The following ATG10 variants were observed in gnomAD, a reference collection of about 807,000 sequenced individuals.
ATG10 encodes the protein autophagy related 10.
Under a neutral mutation model 32.1 loss-of-function variants are expected in ATG10, and 30 were observed. The observed-to-expected ratio is 0.94, with a 90% CI of 0.70 to 1.27. The LOEUF (loss-of-function observed/expected upper bound fraction) is 1.27. Ranked by LOEUF, ATG10 falls within the 50% of genes most tolerant of loss-of-function variation. The pLI is 0.00. For synonymous variants in ATG10, 87 were observed against 91.5 expected (o/e 0.95, Z 0.28); for missense variants, 233 against 262.3 (o/e 0.89, Z 0.77).
At chr5:82,041,786 T>C (rs1763091219) in intron 2 of ATG10, among the ~76,000 whole-genome samples, 1 of 152,104 alleles carries the variant, frequency 6.6e-6, no homozygotes, top group Non-Finnish European at 1.5e-5. Context: ...CTCACTATGC[T>C]CTATTGATTT....
intron 2 of ATG10, among the ~76,000 whole-genome samples, chr5:82,029,640 T>G (rs1237300183): frequency 1.3e-5 from 2 of 152,208 alleles, no homozygotes; most frequent in Non-Finnish European, 2.9e-5. Context: ...GGGTAGATGT[T>G]GCAGCATGAC....
At chr5:82,149,010 C>G (rs1467956565) in intron 3 of ATG10, among the ~76,000 whole-genome samples, 5 of 152,054 alleles carry the variant, frequency 3.3e-5, no homozygotes, top group African/African-American at 1.2e-4. Context: ...TCCAGATATT[C>G]TTTTTATGCT....
At chr5:81,994,834 A>C (rs764023945) in intron 2 of ATG10, among the ~76,000 whole-genome samples, 12 of 152,212 alleles carry the variant, frequency 7.9e-5, no homozygotes, top group Non-Finnish European at 1.5e-4. Context: ...TCCTAGAGTC[A>C]CACTATAATC....
chr5:81,972,958 T>TA (rs1477884302), intron 1 of ATG10, among the ~76,000 whole-genome samples: 1 of 152,174 alleles, frequency 6.6e-6, no homozygotes, highest in Non-Finnish European at 1.5e-5. Flanking sequence ...GAAGATGATT[T>TA]AGATGTCTAG....
chr5:82,145,126 T>C (rs1767296837), intron 3 of ATG10, among the ~76,000 whole-genome samples: 1 of 152,224 alleles, frequency 6.6e-6, no homozygotes, highest in South Asian at 2.1e-4. Flanking sequence ...ATTGTTTACA[T>C]GATCTGCCTT....
intron 3 of ATG10, among the ~76,000 whole-genome samples, chr5:82,083,301 T>C (rs1299746976): frequency 2.0e-5 from 3 of 152,170 alleles, no homozygotes; most frequent in Non-Finnish European, 2.9e-5. Flanking sequence ...CCACCATTGC[T>C]GAGGCTTGCG....
intron 3 of ATG10, among the ~76,000 whole-genome samples, chr5:82,120,703 G>A (rs939230567): frequency 4.0e-5 from 6 of 151,284 alleles, no homozygotes; most frequent in Admixed American, 2.0e-4. Flanking sequence ...AAATCTTACT[G>A]TCTATATTTA....
At chr5:82,028,171 C>T (rs1017860704) in intron 2 of ATG10, among the ~76,000 whole-genome samples, 3 of 152,030 alleles carry the variant, frequency 2.0e-5, no homozygotes, top group Non-Finnish European at 2.9e-5. Flanking sequence ...AATGTATTGA[C>T]GTTATATTGG....
intron 1 of ATG10, among the ~76,000 whole-genome samples, chr5:81,981,068 C>T (rs144036722): frequency 1.2e-4 from 18 of 152,274 alleles, no homozygotes; most frequent in African/African-American, 4.1e-4. Flanking sequence ...GCCTGCTGGT[C>T]ATCTGTTGTT....
intron 2 of ATG10, among the ~76,000 whole-genome samples, chr5:82,026,761 A>G (rs183169725): frequency 6.6e-6 from 1 of 152,312 alleles, no homozygotes; most frequent in East Asian, 1.9e-4. Context: ...CTTTTACGTT[A>G]GAAAATAAAT....
intron 5 of ATG10, among the ~76,000 whole-genome samples, chr5:82,251,632 A>G (rs538751912): frequency 2.6e-5 from 4 of 152,264 alleles, no homozygotes; most frequent in Admixed American, 2.0e-4. Flanking sequence ...TTATCCCCTT[A>G]GGTCACCTGC....
intron 2 of ATG10, among the ~76,000 whole-genome samples, chr5:82,016,762 C>T (rs937919448): frequency 1.3e-4 from 20 of 151,610 alleles, no homozygotes; most frequent in African/African-American, 4.8e-4. Flanking sequence ...GATCTCAGCT[C>T]ACCGCAAGCT....
intron 5 of ATG10, among the ~76,000 whole-genome samples, chr5:82,185,317 G>T (rs1319738200): frequency 6.6e-6 from 1 of 152,126 alleles, no homozygotes; most frequent in East Asian, 1.9e-4. Context: ...TTTATTTTCT[G>T]ATTCCATATG....
intron 3 of ATG10, among the ~76,000 whole-genome samples, chr5:82,106,808 A>C (rs759398601): frequency 1.3e-5 from 2 of 151,618 alleles, no homozygotes; most frequent in African/African-American, 2.4e-5. Flanking sequence ...TCTATGAGCA[A>C]GCAGATGGCC....
chr5:82,007,627 A>AT (rs534633675), intron 2 of ATG10, among the ~76,000 whole-genome samples: 1 of 151,808 alleles, frequency 6.6e-6, no homozygotes, highest in Non-Finnish European at 1.5e-5. Flanking sequence ...TAATTTTGTA[A>AT]TTTTTTTGTA....
chr5:82,153,702 A>G (rs1394558219), intron 3 of ATG10, among the ~76,000 whole-genome samples: 1 of 152,164 alleles, frequency 6.6e-6, no homozygotes, highest in Non-Finnish European at 1.5e-5. Context: ...AAATTCATAG[A>G]TTTGGAGGTA....
At chr5:82,154,924 G>A (rs542126764) in intron 3 of ATG10, among the ~76,000 whole-genome samples, 1 of 152,350 alleles carries the variant, frequency 6.6e-6, no homozygotes, top group African/African-American at 2.4e-5. Context: ...GTTCCTTGCT[G>A]ATTCCTAGAC....
At chr5:82,170,303 C>T (rs1477286395) in intron 4 of ATG10, among the ~76,000 whole-genome samples, 1 of 152,218 alleles carries the variant, frequency 6.6e-6, no homozygotes, top group African/African-American at 2.4e-5. Context: ...TGAGTGCCTA[C>T]TGTGTGCACA....
At chr5:81,983,082 C>T (rs1358192055) in intron 1 of ATG10, among the ~76,000 whole-genome samples, 3 of 152,288 alleles carry the variant, frequency 2.0e-5, no homozygotes, top group East Asian at 1.9e-4. Flanking sequence ...ACCTCCCAGA[C>T]GGGGTGGTGG....
Sources: allele counts gnomAD v4.1 joint callset (sites outside exome capture counted in the v4.1 genomes callset), GRCh38; gene constraint gnomAD v4.1.1; transcripts MANE v1.5; gene names NCBI Gene and HGNC (gene_info 2026-07-23, HGNC 2026-07-21).